PALM2AKAP2: variants seen among roughly 807,000 people sequenced by gnomAD.
PALM2AKAP2 encodes the protein PALM2 and AKAP2 fusion.
Under a neutral mutation model 71.5 loss-of-function variants are expected in PALM2AKAP2, and 37 were observed. The observed-to-expected ratio is 0.52, with a 90% confidence interval of 0.40 to 0.68. The LOEUF is 0.68. Ranked by LOEUF, PALM2AKAP2 falls within the 30% of genes least tolerant of loss-of-function variation. PALM2AKAP2 has a pLI of 0.00. For synonymous variants in PALM2AKAP2, 468 were observed against 478.8 expected (o/e 0.98, Z 0.29); for missense variants, 1,224 against 1,191.8 (o/e 1.03, Z -0.40).
chr9:109,781,461 A>G (rs977522558), intron 1 of PALM2AKAP2, among the ~76,000 whole-genome samples: 5 of 152,254 alleles, frequency 3.3e-5, no homozygotes, highest in African/African-American at 1.2e-4. Flanking sequence ...TCTTCCACCT[A>G]AATACATTTG....
chr9:109,998,586 G>T (rs1832617775), intron 6 of PALM2AKAP2, among the ~76,000 whole-genome samples: 1 of 142,702 alleles, frequency 7.0e-6, no homozygotes, highest in Admixed American at 7.1e-5. Flanking sequence ...TGAATTGTTT[G>T]TGGCTCAGCT....
chr9:110,151,055 CTGTG>C (rs1197067723), intron 2 of PALM2AKAP2, among the ~76,000 whole-genome samples: 1 of 152,212 alleles, frequency 6.6e-6, no homozygotes, highest in Non-Finnish European at 1.5e-5. Flanking sequence ...TGTACATGAG[CTGTG>C]TGCCCATACT....
At chr9:109,784,592 A>T (rs969533931) in intron 1 of PALM2AKAP2, among the ~76,000 whole-genome samples, 2 of 152,242 alleles carry the variant, frequency 1.3e-5, no homozygotes, top group African/African-American at 4.8e-5. Context: ...AGCATGTATT[A>T]TCTCATTGAA....
At chr9:109,848,791 A>T (rs929422106) in intron 1 of PALM2AKAP2, among the ~76,000 whole-genome samples, 2 of 151,930 alleles carry the variant, frequency 1.3e-5, no homozygotes, top group African/African-American at 4.8e-5. Context: ...AAAAAAAAAA[A>T]AAATTAGTTG....
At chr9:110,100,753 C>T (rs1011107892) in intron 1 of PALM2AKAP2, among the ~76,000 whole-genome samples, 1 of 152,148 alleles carries the variant, frequency 6.6e-6, no homozygotes, top group Non-Finnish European at 1.5e-5. Flanking sequence ...TTCTGGATAA[C>T]TACTACAATT....
chr9:109,734,885 A>G (rs1361879712), intron 1 of PALM2AKAP2, among the ~76,000 whole-genome samples: 1 of 151,990 alleles, frequency 6.6e-6, no homozygotes, highest in African/African-American at 2.4e-5. Flanking sequence ...TCCCTGGAGA[A>G]ATAGATTGAA....
At chr9:110,128,977 A>C (rs1024362210) in intron 1 of PALM2AKAP2, among the ~76,000 whole-genome samples, 27 of 152,206 alleles carry the variant, frequency 1.8e-4, no homozygotes, top group African/African-American at 6.3e-4. Flanking sequence ...GGCTTCTAGA[A>C]TCTCACTTGT....
At chr9:109,688,134 A>C (rs1192334279) in intron 1 of PALM2AKAP2, among the ~76,000 whole-genome samples, 1 of 152,256 alleles carries the variant, frequency 6.6e-6, no homozygotes, top group Non-Finnish European at 1.5e-5. Flanking sequence ...GAAAAAGTTG[A>C]AATATTGCAA....
rs200756139 is a variant in PALM2AKAP2 at position 109,641,944 on chromosome 9, G to C, written c.5+1078G>C. ...AGTGAGAGATGGTGTAGCATTGTAG[G>C]AGTCACAGTCATGGATTTCAGGCCC... On this transcript the variant is annotated intron_variant, in intron 1 of 6. Coordinates refer to the PALM2AKAP2 transcript ENST00000374531. Among the ~76,000 whole-genome samples, 6 of 152,262 alleles carry C rather than the reference G, an allele frequency of 3.9e-5. No individual in the cohort carries two copies. In the East Asian group the frequency reaches 1.2e-3, roughly 29 times the overall value.
At chr9:110,002,283 T>C (rs1043102628) in intron 6 of PALM2AKAP2, among the ~76,000 whole-genome samples, 3 of 152,212 alleles carry the variant, frequency 2.0e-5, no homozygotes, top group African/African-American at 7.2e-5. Context: ...ATGTGGTTTT[T>C]GTCATTGGTT....
intron 1 of PALM2AKAP2, among the ~76,000 whole-genome samples, chr9:109,772,840 C>T (rs560198192): frequency 5.9e-5 from 9 of 152,268 alleles, no homozygotes; most frequent in East Asian, 5.8e-4. Context: ...AAGGTCGGGC[C>T]GGGTGTAGTG....
intron 6 of PALM2AKAP2, among the ~76,000 whole-genome samples, chr9:109,978,465 C>T (rs1832209306): frequency 6.6e-6 from 1 of 152,156 alleles, no homozygotes; most frequent in South Asian, 2.1e-4. Flanking sequence ...TGGCATCAGA[C>T]CTTGTCTCTA....
chr9:109,979,725 G>A (rs1008913704), intron 6 of PALM2AKAP2, among the ~76,000 whole-genome samples: 1 of 152,192 alleles, frequency 6.6e-6, no homozygotes, highest in South Asian at 2.1e-4. Context: ...AGTAAGGGAT[G>A]AGTAGGGACA....
chr9:109,769,200 G>A (rs992655592), intron 1 of PALM2AKAP2, among the ~76,000 whole-genome samples: 5 of 152,076 alleles, frequency 3.3e-5, no homozygotes, highest in African/African-American at 1.2e-4. Context: ...TGGCAAAAGT[G>A]TACCTATGCA....
chr9:110,136,411 G>T, exon 2 of PALM2AKAP2: 1 of 1,614,058 alleles, frequency 6.2e-7, no homozygotes, highest in Non-Finnish European at 8.5e-7. Flanking sequence ...ATCTAGATGA[G>T]GTGCTAGAGG....
At chr9:109,799,322 A>G (rs930881815) in intron 1 of PALM2AKAP2, among the ~76,000 whole-genome samples, 4 of 152,226 alleles carry the variant, frequency 2.6e-5, no homozygotes, top group Admixed American at 2.0e-4. Context: ...TGAGAGGCTG[A>G]GAGCCACTGA....
At chr9:109,860,193 C>T (rs539066340) in intron 1 of PALM2AKAP2, among the ~76,000 whole-genome samples, 19 of 152,172 alleles carry the variant, frequency 1.2e-4, no homozygotes, top group South Asian at 6.2e-4. Flanking sequence ...GAGTGAGCAC[C>T]TCTTCAATTT....
chr9:109,697,510 T>TA (rs1197154569), intron 1 of PALM2AKAP2, among the ~76,000 whole-genome samples: 2 of 152,152 alleles, frequency 1.3e-5, no homozygotes, highest in African/African-American at 4.8e-5. Context: ...TCAACAGTGG[T>TA]AAAAAAGCAT....
chr9:109,953,834 C>CA (rs34719180), intron 6 of PALM2AKAP2, among the ~76,000 whole-genome samples: 5,492 of 48,010 alleles, frequency 0.11, 317 homozygotes, highest in East Asian at 0.33. Context: ...GACTCCATCT[C>CA]AAAAAAAAAA....
Sources: allele counts gnomAD v4.1 joint callset (sites outside exome capture counted in the v4.1 genomes callset), GRCh38; gene constraint gnomAD v4.1.1; transcripts MANE v1.5; gene names NCBI Gene and HGNC (gene_info 2026-07-23, HGNC 2026-07-21).